The following PHIP variants were observed in gnomAD, a reference collection of about 807,000 sequenced individuals.
PHIP encodes the protein PH-interacting protein.
A neutral mutation model predicts 236.8 loss-of-function variants in PHIP; 54 were observed. That is an observed-to-expected ratio of 0.23 (90% CI 0.18 to 0.29). PHIP has a LOEUF of 0.29. Ranked by LOEUF, PHIP falls within the 10% of genes least tolerant of loss-of-function variation. The pLI is 1.00. For synonymous variants in PHIP, 756 were observed against 718.9 expected, an observed-to-expected ratio of 1.05 and a Z score of -0.83; for missense variants, 1,370 against 2,190.8, an observed-to-expected ratio of 0.63 and a Z score of 7.48.
chr6:78,960,979 T>C (rs996211598), intron 31 of PHIP, among the ~76,000 whole-genome samples: 1 of 152,106 alleles, frequency 6.6e-6, no homozygotes, highest in Non-Finnish European at 1.5e-5. Context: ...ACAAATTAAA[T>C]TGTTGGACTG....
intron 19 of PHIP, among the ~76,000 whole-genome samples, chr6:78,994,230 C>T (rs78121213): frequency 0.038 from 5,822 of 152,268 alleles, 160 homozygotes; most frequent in Admixed American, 0.081. Flanking sequence ...AGGGAGGCTA[C>T]TCTAGTGAAT....
intron 6 of PHIP, among the ~76,000 whole-genome samples, chr6:79,058,289 A>C (rs942386225): frequency 2.6e-5 from 4 of 152,076 alleles, no homozygotes; most frequent in African/African-American, 9.7e-5. Context: ...GTTCTGTACC[A>C]TCTGTTGTCT....
chr6:79,077,393 A>G (rs1343676912), intron 4 of PHIP, 55 bp downstream of exon 4: 2 of 1,473,774 alleles, frequency 1.4e-6, no homozygotes, highest in Non-Finnish European at 1.9e-6. Flanking sequence ...CGGGAAATTC[A>G]ATTTTTATTC....
chr6:79,052,534 A>G (rs929798471), intron 6 of PHIP, among the ~76,000 whole-genome samples: 9 of 152,344 alleles, frequency 5.9e-5, no homozygotes, highest in Non-Finnish European at 1.3e-4. Flanking sequence ...TATACATAGT[A>G]AGATTTACTT....
Position 78,935,565 on chromosome 6 carries a change from T to A in PHIP, c.*5128A>T, listed in dbSNP as rs1445452315. ...AGTATTTATCACTCATCACAGTAAC[T>A]TACGGTAAGAAATCAATAAAATTGT... On this transcript the variant is annotated 3_prime_UTR_variant, in exon 40 of 40. Transcript: ENST00000275034. 2 of 969,330 alleles carry A rather than the reference T, an allele frequency of 2.1e-6. No homozygotes were observed. Among genetic ancestry groups the A allele is most frequent in the Non-Finnish European group, 2.5e-6 (2 of 815,394 alleles). 60.0% of individuals were successfully genotyped at this position (969,330 alleles called of 1,614,324 possible).
At chr6:79,077,600 A>AGCCCCGC (rs1057104945) in intron 3 of PHIP, 93 bp from the exon 4 acceptor site, 30 of 802,072 alleles carry the variant, frequency 3.7e-5, no homozygotes, top group African/African-American at 8.9e-5. Flanking sequence ...GGGGACCCCG[A>AGCCCCGC]GCCCCGCGCC....
chr6:78,943,003 A>G (rs1489565266), intron 39 of PHIP, among the ~76,000 whole-genome samples: 1 of 152,228 alleles, frequency 6.6e-6, no homozygotes, highest in African/African-American at 2.4e-5. Flanking sequence ...ATGAAAAGTT[A>G]TGCAGCTTAG....
At chr6:78,978,834 T>C (rs1768303518) in intron 23 of PHIP, 123 bp from the exon 24 acceptor site, 14 of 687,974 alleles carry the variant, frequency 2.0e-5, no homozygotes, top group African/African-American at 3.6e-5. Context: ...TGTACAATAT[T>C]ATATACAGTT....
chr6:78,944,939 T>C (rs183087779), intron 39 of PHIP, among the ~76,000 whole-genome samples: 1 of 151,584 alleles, frequency 6.6e-6, no homozygotes, highest in Admixed American at 6.6e-5. Context: ...ACAACCCCAA[T>C]GAATTATTAT....
intron 7 of PHIP, among the ~76,000 whole-genome samples, chr6:79,029,412 T>C (rs1053745637): frequency 6.6e-5 from 10 of 152,086 alleles, no homozygotes; most frequent in Non-Finnish European, 4.4e-5. Context: ...TCTTTTAAGA[T>C]GACTATACAA....
At chr6:79,070,696 A>G (rs1029151604) in intron 4 of PHIP, among the ~76,000 whole-genome samples, 6 of 152,086 alleles carry the variant, frequency 3.9e-5, no homozygotes, top group African/African-American at 1.4e-4. Context: ...ACCAAAATCA[A>G]AATCCAGGAT....
chr6:78,947,879 A>G (rs1773913842), intron 35 of PHIP, 104 bp from the exon 36 acceptor site: 2 of 699,424 alleles, frequency 2.9e-6, no homozygotes, highest in Non-Finnish European at 4.9e-6. Flanking sequence ...CAAGTCCTAG[A>G]ACTCTTAATA....
In PHIP at chr6:78,941,312, G is replaced by A; in HGVS notation, c.4847C>T (p.Ala1616Val). ...VIEQGDCKNN[A>V]LVPGTIQVNG... ...TACTTGAATGGTTCCTGGTACAAGA[G>A]CGTTGTTCTTACAATCTCCTAAAAG... The change falls in exon 40 of 40, where the codon GCT becomes GTT. Residue 1616 changes from alanine to valine, a missense_variant. Ala to Val is a moderately conservative substitution (Grantham distance 64, BLOSUM62 0). Transcript: ENST00000275034. The A allele has an allele frequency of 3.7e-6, 6 of 1,612,910 alleles. No homozygotes were observed. Among genetic ancestry groups the A allele is most frequent in the Non-Finnish European group, 5.1e-6 (6 of 1,179,352 alleles).
chr6:78,941,920 T>G (rs1369164148), intron 39 of PHIP, among the ~76,000 whole-genome samples: 1 of 152,086 alleles, frequency 6.6e-6, no homozygotes, highest in Admixed American at 6.5e-5. Flanking sequence ...GCAATCAAAT[T>G]CTAAACCTGA....
chr6:79,075,700 A>G (rs796521744), intron 4 of PHIP, among the ~76,000 whole-genome samples: 9 of 152,120 alleles, frequency 5.9e-5, no homozygotes, highest in African/African-American at 1.9e-4. Flanking sequence ...ATTTAGCCAG[A>G]TAACATTAAG....
intron 9 of PHIP, among the ~76,000 whole-genome samples, chr6:79,021,430 G>A (rs1771111977): frequency 6.6e-6 from 1 of 152,084 alleles, no homozygotes; most frequent in African/African-American, 2.4e-5. Context: ...TCACAGGCGT[G>A]AGCCAACACG....
At position 78,937,619 on chromosome 6, in the gene PHIP, A is replaced by C. The variant is rs951751729; in HGVS notation, c.*3074T>G. 2.6e-5 allele frequency: 4 copies of C among 151,742 alleles called. No individual in the cohort carries two copies. The highest frequency in any genetic ancestry group is 5.9e-5 in the Non-Finnish European group (4 of 67,660). 9.4% of individuals were successfully genotyped at this position (151,742 alleles called of 1,614,324 possible). A position where few individuals can be genotyped will look rare whatever the true frequency, so the allele number is the denominator to read the frequency against. ...TGGATTGGAGGAAGACAGTTTTATA[A>C]TAATGCCAGCAGTCTTTAAATTTGT... On this transcript the variant is annotated 3_prime_UTR_variant, in exon 40 of 40. Coordinates refer to ENST00000275034, the MANE Select transcript of PHIP (RefSeq NM_017934.7).
At chr6:78,988,421 T>A in intron 20 of PHIP, 72 bp from the exon 21 acceptor site, 1 of 1,197,124 alleles carries the variant, frequency 8.4e-7, no homozygotes, top group South Asian at 1.7e-5. Context: ...AAGTTAAAAT[T>A]TTTTAATTAA....
chr6:78,943,989 T>TA (rs1424311614), intron 39 of PHIP, among the ~76,000 whole-genome samples: 16,858 of 46,954 alleles, frequency 0.36, 1,703 homozygotes, highest in Non-Finnish European at 0.38. Context: ...CTGTCTTTTT[T>TA]TAAAAAAAAA....
Sources: allele counts gnomAD v4.1 joint callset (sites outside exome capture counted in the v4.1 genomes callset), GRCh38; gene constraint gnomAD v4.1.1; transcripts MANE v1.5; gene names NCBI Gene and HGNC (gene_info 2026-07-23, HGNC 2026-07-21).